The following DIP2B variants were observed in gnomAD, a reference collection of about 807,000 sequenced individuals.
DIP2B encodes the protein DIP2 acetate--CoA ligase B (putative).
DIP2B carries 76 observed loss-of-function variants against 198.0 expected under a neutral mutation model. The ratio of observed to expected loss-of-function variants is 0.38; its 90% CI spans 0.32 to 0.46. The LOEUF is 0.46. Among genes scored for constraint, DIP2B ranks in the 20% least tolerant of loss-of-function variants. The pLI, the probability that DIP2B is intolerant of heterozygous loss-of-function variation, is 0.99. For missense variants in DIP2B, 1,559 were observed against 1,978.4 expected (o/e 0.79, Z 4.02); for synonymous variants, 701 against 739.1 (o/e 0.95, Z 0.84).
In DIP2B at chr12:50,570,955, G is replaced by A. The variant is rs189367881; in HGVS notation, c.101-55021G>A. On this transcript the variant is annotated intron_variant, in intron 1 of 37. Coordinates refer to ENST00000301180, the MANE Select transcript of DIP2B (RefSeq NM_173602.3). ...GTTTATTTAGCAGATATTAAATGTA[G>A]CAAAATTACTATGACCCAGCTGTTG... Among the ~76,000 whole-genome samples the A allele has an allele frequency of 2.6e-4, 40 of 152,178 alleles. No individual in the cohort carries two copies. In the East Asian group the frequency reaches 7.7e-3, roughly 29 times the overall value.
intron 22 of DIP2B, among the ~76,000 whole-genome samples, chr12:50,712,570 C>T (rs368792236): frequency 6.6e-6 from 1 of 151,640 alleles, no homozygotes; most frequent in Non-Finnish European, 1.5e-5. Context: ...CGCCACTGCA[C>T]TTCAGCCTGG....
chr12:50,506,814 C>T (rs945267117), intron 1 of DIP2B, among the ~76,000 whole-genome samples: 14 of 152,182 alleles, frequency 9.2e-5, no homozygotes, highest in African/African-American at 3.1e-4. Flanking sequence ...TGTTGACTTG[C>T]ATTAAAATCT....
chr12:50,643,237 GA>G (rs1256524827), intron 3 of DIP2B, among the ~76,000 whole-genome samples: 1 of 152,144 alleles, frequency 6.6e-6, no homozygotes, highest in Non-Finnish European at 1.5e-5. Flanking sequence ...ACCCAGCTGT[GA>G]TCTGTAGTCC....
intron 1 of DIP2B, among the ~76,000 whole-genome samples, chr12:50,520,612 T>TA (rs1336927669): frequency 6.6e-6 from 1 of 152,168 alleles, no homozygotes; most frequent in Admixed American, 6.6e-5. Context: ...AACATCCTGT[T>TA]AAAAAAACAA....
At chr12:50,702,215 G>A (rs182590668) in intron 19 of DIP2B, among the ~76,000 whole-genome samples, 3 of 152,158 alleles carry the variant, frequency 2.0e-5, no homozygotes, top group Admixed American at 6.5e-5. Flanking sequence ...GCATGGTGGC[G>A]GGCGCCTGTA....
At chr12:50,564,575 C>T (rs897707722) in intron 1 of DIP2B, among the ~76,000 whole-genome samples, 9 of 152,082 alleles carry the variant, frequency 5.9e-5, no homozygotes, top group Non-Finnish European at 1.0e-4. Context: ...TGAATGGCAG[C>T]GTTTCTTTAT....
At chr12:50,694,967 T>TA (rs1157844285) in intron 14 of DIP2B, among the ~76,000 whole-genome samples, 1 of 152,144 alleles carries the variant, frequency 6.6e-6, no homozygotes, top group Non-Finnish European at 1.5e-5. Flanking sequence ...TCTTTTATGT[T>TA]AAAAATACTT....
intron 1 of DIP2B, among the ~76,000 whole-genome samples, chr12:50,600,894 T>TCACCAC (rs34616785): frequency 0.027 from 3,268 of 121,544 alleles, 73 homozygotes; most frequent in Non-Finnish European, 0.036. Context: ...ATGACCACCA[T>TCACCAC]CACCACCACC....
At chr12:50,596,778 G>A (rs1958882223) in intron 1 of DIP2B, among the ~76,000 whole-genome samples, 1 of 152,168 alleles carries the variant, frequency 6.6e-6, no homozygotes, top group South Asian at 2.1e-4. Context: ...AATAGACTGA[G>A]AATTCGGTAA....
Position 50,695,354 on chromosome 12 carries a change from C to G in DIP2B, c.1807C>G (p.His603Asp). The change falls in exon 15 of 38, where the codon CAC becomes GAC. Residue 603 changes from histidine (H) to aspartate (D), a missense_variant. Physicochemically the swap from His to Asp is moderately conservative, Grantham distance 81. Transcript: ENST00000301180. ...CTCTTGGGTCCAAAGAGTACATGCTCACAAAGGTAGTCACCTGCAACATCT... is the reference window on the plus strand; with the variant it reads ...CTCTTGGGTCCAAAGAGTACATGCTGACAAAGGTAGTCACCTGCAACATCT... ...PLSWVQRVHA[H>D]KAKVALVKCR... 1 of 1,613,246 alleles carries G rather than the reference C, an allele frequency of 6.2e-7. No homozygotes were observed. The highest frequency in any genetic ancestry group is 2.2e-5 in the East Asian group (1 of 44,848).
chr12:50,566,079 G>A (rs879438484), intron 1 of DIP2B, among the ~76,000 whole-genome samples: 1 of 151,950 alleles, frequency 6.6e-6, no homozygotes, highest in Non-Finnish European at 1.5e-5. Flanking sequence ...GTCTTGCTCT[G>A]TCACTCAGGC....
chr12:50,680,872 C>A, intron 9 of DIP2B, 109 bp downstream of exon 9: 3 of 1,043,644 alleles, frequency 2.9e-6, no homozygotes, highest in South Asian at 1.5e-5. Flanking sequence ...TTATGTAACT[C>A]TTATTTTTGG....
At chr12:50,558,164 T>C (rs570917373) in intron 1 of DIP2B, among the ~76,000 whole-genome samples, 2 of 152,274 alleles carry the variant, frequency 1.3e-5, no homozygotes, top group South Asian at 4.2e-4. Context: ...ACCCAGGAAT[T>C]CGAGACCAGC....
chr12:50,556,783 CA>C (rs1477020844), intron 1 of DIP2B, among the ~76,000 whole-genome samples: 2 of 152,082 alleles, frequency 1.3e-5, no homozygotes, highest in African/African-American at 4.8e-5. Context: ...GATCTTGGCT[CA>C]CTGCAACCTC....
At chr12:50,674,178 C>T (rs1298924598) in intron 5 of DIP2B, among the ~76,000 whole-genome samples, 2 of 152,152 alleles carry the variant, frequency 1.3e-5, no homozygotes, top group Admixed American at 1.3e-4. Context: ...TGGATTTCTA[C>T]CAGCCTTTCT....
chr12:50,638,565 TGCTTTTA>T (rs964603184), intron 2 of DIP2B, among the ~76,000 whole-genome samples: 6 of 152,248 alleles, frequency 3.9e-5, no homozygotes. Flanking sequence ...GTTTCATCTT[TGCTTTTA>T]GCTTTTCTTT....
At chr12:50,576,865 A>C (rs903680695) in intron 1 of DIP2B, among the ~76,000 whole-genome samples, 2 of 151,066 alleles carry the variant, frequency 1.3e-5, no homozygotes, top group Non-Finnish European at 3.0e-5. Flanking sequence ...ATCCCTTGTT[A>C]TTATTATTTT....
In DIP2B at chr12:50,579,684, T is replaced by A. The variant is rs868771601; in HGVS notation, c.101-46292T>A. ...ATATATATATATATATATATATATA[T>A]ATATATATATATATATATATATATA... On this transcript the variant is annotated intron_variant, in intron 1 of 37. Coordinates refer to ENST00000301180, the MANE Select transcript of DIP2B (RefSeq NM_173602.3). 6.4e-4 allele frequency among the ~76,000 whole-genome samples: 3 copies of A among 4,676 alleles called. 1 individual carries two copies. Among genetic ancestry groups the A allele is most frequent in the Non-Finnish European group, 1.1e-3 (3 of 2,706 alleles). The allele number at this position is 4,676 out of a possible 152,430, so 3.1% of individuals were successfully genotyped here.
chr12:50,662,049 C>T (rs954453514), intron 4 of DIP2B, among the ~76,000 whole-genome samples: 5 of 152,210 alleles, frequency 3.3e-5, no homozygotes, highest in Non-Finnish European at 5.9e-5. Flanking sequence ...TTGAAATTAA[C>T]TATAGGCCTC....
Sources: allele counts gnomAD v4.1 joint callset (sites outside exome capture counted in the v4.1 genomes callset), GRCh38; gene constraint gnomAD v4.1.1; transcripts MANE v1.5; gene names NCBI Gene and HGNC (gene_info 2026-07-23, HGNC 2026-07-21).